Variants in RSPH4A observed in about 807,000 individuals in gnomAD.
RSPH4A encodes radial spoke head protein 4 homolog A.
In RSPH4A, 47 loss-of-function variants were observed where a neutral mutation model predicts 71.0. The observed-to-expected ratio is 0.66, with a 90% CI of 0.52 to 0.84. RSPH4A has a LOEUF of 0.84. RSPH4A is among the 40% of genes least tolerant of loss of function. The pLI is 0.00. For missense variants in RSPH4A, 793 were observed against 855.2 expected, an observed-to-expected ratio of 0.93 and a Z score of 0.91; for synonymous variants, 282 against 302.3, an observed-to-expected ratio of 0.93 and a Z score of 0.70.
In RSPH4A at chr6:116,617,309, T is replaced by G; in HGVS notation, c.686T>G (p.Leu229Arg). 1 of 1,608,734 alleles carries G rather than the reference T, an allele frequency of 6.2e-7. No individual in the cohort carries two copies. The highest frequency in any genetic ancestry group is 1.1e-5 in the South Asian group (1 of 90,588). Residue 229 changes from leucine (L) to arginine (R), a missense_variant and splice_region_variant, in exon 1 of 6, where the codon CTA becomes CGA. Coordinates refer to ENST00000229554, the MANE Select transcript of RSPH4A (RefSeq NM_001010892.3). ...LKTSSNSGFN[L>R]YDHLSNMLTK... ...ACTAGCAGCAATTCGGGCTTTAATC[T>G]GTAAGTCTCAGAGGGAAAAAAGATA...
At chr6:116,629,522 T>C (rs201457195) in intron 3 of RSPH4A, 45 bp from the exon 4 acceptor site, 1 of 1,600,548 alleles carries the variant, frequency 6.2e-7, no homozygotes, top group South Asian at 1.1e-5. Flanking sequence ...TCTGAAATTT[T>C]AAGGTCCCCA....
At chr6:116,627,395 C>T (rs1199295041) in intron 2 of RSPH4A, among the ~76,000 whole-genome samples, 1 of 152,084 alleles carries the variant, frequency 6.6e-6, no homozygotes, top group Non-Finnish European at 1.5e-5. Flanking sequence ...AGACGGGGGT[C>T]TCACCATGTT....
chr6:116,627,716 A>T lies in RSPH4A; in HGVS notation c.1009A>T (p.Ile337Leu). The change falls in exon 3 of 6, where the codon ATA becomes TTA. Residue 337 changes from isoleucine (I) to leucine (L), a missense_variant. Ile to Leu is a conservative substitution (Grantham distance 5). Coordinates refer to ENST00000229554, the MANE Select transcript of RSPH4A (RefSeq NM_001010892.3). ...TTTGGGCACAGATGAGACATACCGC[A>T]TATTTCTTGCCCTCAAGCAGCTTAC... The part of the protein sequence containing the change: ...VGLGTDETYR[I>L]FLALKQLTDT... The T allele has an allele frequency of 6.2e-7, 1 of 1,614,158 alleles. No individual in the cohort carries two copies. Among genetic ancestry groups the T allele is most frequent in the Non-Finnish European group, 8.5e-7 (1 of 1,180,002 alleles).
At chr6:116,622,481 C>A (rs978260551) in intron 1 of RSPH4A, among the ~76,000 whole-genome samples, 5 of 152,054 alleles carry the variant, frequency 3.3e-5, no homozygotes, top group African/African-American at 1.2e-4. Context: ...CTAAGGAAAA[C>A]TCTAGGATAA....
chr6:116,630,847 A>ATT lies in RSPH4A; in HGVS notation c.1916+317_1916+318dup, dbSNP rs10694358. ...ACCACTATGCCCAGCTAATTTTTGT[A>ATT]TTTTTTTTTTTTTTTTTTTTTTTAG... is the stretch of plus-strand genomic sequence containing the variant. On this transcript the variant is annotated intron_variant, in intron 5 of 5. Coordinates refer to ENST00000229554, the MANE Select transcript of RSPH4A (RefSeq NM_001010892.3). Among the ~76,000 whole-genome samples the ATT allele has an allele frequency of 7.6e-3, 669 of 87,578 alleles. 32 individuals carry two copies. The highest frequency in any genetic ancestry group is 0.023 in the African/African-American group (502 of 21,412). The allele number at this position is 87,578 out of a possible 152,430, so 57.5% of individuals were successfully genotyped here.
Position 116,619,524 on chromosome 6 carries a change from A to G in RSPH4A, c.686+2215A>G, listed in dbSNP as rs116392034. 4.8e-3 allele frequency among the ~76,000 whole-genome samples: 727 copies of G among 152,304 alleles called. 6 individuals carry two copies. The highest frequency in any genetic ancestry group is 0.015 in the African/African-American group (643 of 41,566). On this transcript the variant is annotated intron_variant, in intron 1 of 5. Coordinates refer to ENST00000229554, the MANE Select transcript of RSPH4A (RefSeq NM_001010892.3). ...AATTCCTAAGTTCTCACCATGATCT[A>G]TTGGGGTGCTTCCTGATTAATCAGT...
intron 1 of RSPH4A, 69 bp from the exon 2 acceptor site, chr6:116,622,699 G>A: frequency 3.9e-6 from 4 of 1,037,492 alleles, no homozygotes; most frequent in Non-Finnish European, 6.0e-6. Flanking sequence ...CCCCAGAAAT[G>A]TCAAAGAAAA....
chr6:116,623,115 G>GT (rs1370917022), intron 2 of RSPH4A, 113 bp downstream of exon 2: 6 of 765,616 alleles, frequency 7.8e-6, no homozygotes, highest in Non-Finnish European at 1.3e-5. Context: ...GTTTTGTTTT[G>GT]TTTTGTTTTG....
chr6:116,621,535 G>A (rs1583347818), intron 1 of RSPH4A, among the ~76,000 whole-genome samples: 1 of 152,230 alleles, frequency 6.6e-6, no homozygotes, highest in Non-Finnish European at 1.5e-5. Context: ...TTGCTGAATA[G>A]GAAATATATA....
chr6:116,629,449 G>T, intron 3 of RSPH4A, 118 bp from the exon 4 acceptor site: 1 of 1,051,202 alleles, frequency 9.5e-7, no homozygotes, highest in Non-Finnish European at 1.4e-6. Flanking sequence ...TAGAATGAAT[G>T]AATGAATAAT....
At position 116,616,518 on chromosome 6, in the gene RSPH4A, C is replaced by A; in HGVS notation, c.-106C>A. The A allele has an allele frequency of 2.0e-6, 2 of 989,626 alleles. No individual in the cohort carries two copies. Among genetic ancestry groups the A allele is most frequent in the South Asian group, 1.4e-5 (1 of 72,066 alleles). 61.3% of individuals were successfully genotyped at this position (989,626 alleles called of 1,614,324 possible). On this transcript the variant is annotated 5_prime_UTR_variant, in exon 1 of 6. Transcript: ENST00000229554. The stretch of plus-strand genomic sequence containing the variant: ...CAGCAACTCACAGAGCAACCAGGAC[C>A]CAGAAATCGCTTAAGAGACCGCGGC...
At chr6:116,623,241 A>G (rs1775642234) in intron 2 of RSPH4A, among the ~76,000 whole-genome samples, 1 of 152,050 alleles carries the variant, frequency 6.6e-6, no homozygotes, top group South Asian at 2.1e-4. Context: ...ACGTGCCACC[A>G]TGCCCAGCTA....
At chr6:116,617,381 T>C (rs960150511) in intron 1 of RSPH4A, 72 bp downstream of exon 1, 40 of 1,047,172 alleles carry the variant, frequency 3.8e-5, no homozygotes, top group Non-Finnish European at 5.7e-5. Context: ...TGTGTGAGAG[T>C]GTGTTTCTGT....
At position 116,617,118 on chromosome 6, in the gene RSPH4A, C is replaced by A. The variant is rs767593671; in HGVS notation, c.495C>A (p.Asp165Glu). The A allele has an allele frequency of 4.3e-6, 7 of 1,614,060 alleles. No individual in the cohort carries two copies. The highest frequency in any genetic ancestry group is 5.9e-6 in the Non-Finnish European group (7 of 1,180,040). The change falls in exon 1 of 6, where the codon GAC (aspartate) becomes GAA (glutamate). Residue 165 changes from aspartate (D) to glutamate (E), a missense_variant. Asp to Glu is a conservative substitution (Grantham distance 45). Transcript: ENST00000229554. ...AACCCCACCTGTGTGGACGAAGGGA[C>A]GTGAGCTATAACAACGCTAAACAGA... ...QPKPHLCGRR[D>E]VSYNNAKQKE...
intron 1 of RSPH4A, among the ~76,000 whole-genome samples, chr6:116,618,537 C>T (rs986623681): frequency 9.9e-5 from 15 of 152,176 alleles, no homozygotes; most frequent in Admixed American, 4.6e-4. Context: ...TGTTTTGAGA[C>T]GGAGCCAGCT....
At chr6:116,629,793 C>G in intron 4 of RSPH4A, 91 bp downstream of exon 4, 1 of 1,244,726 alleles carries the variant, frequency 8.0e-7, no homozygotes, top group Non-Finnish European at 1.2e-6. Flanking sequence ...TCGGAAAGCT[C>G]TAAAAACTGG....
intron 3 of RSPH4A, 92 bp downstream of exon 3, chr6:116,628,461 C>T (rs569810125): frequency 2.3e-5 from 23 of 1,003,212 alleles, no homozygotes; most frequent in Non-Finnish European, 3.4e-5. Flanking sequence ...AAAATAAAGG[C>T]CTTTGGACTC....
chr6:116,621,854 A>AT (rs941193418), intron 1 of RSPH4A, among the ~76,000 whole-genome samples: 63 of 152,218 alleles, frequency 4.1e-4, no homozygotes, highest in African/African-American at 1.4e-3. Flanking sequence ...TGAACAGAGG[A>AT]TTTTTTTCTC....
Position 116,627,911 on chromosome 6 carries a change from G to A in RSPH4A, c.1204G>A (p.Glu402Lys), listed in dbSNP as rs945197853. The A allele has an allele frequency of 3.1e-6, 5 of 1,613,898 alleles. No homozygotes were observed. Among genetic ancestry groups the A allele is most frequent in the Admixed American group, 1.7e-5 (1 of 59,996 alleles). Residue 402 changes from glutamate to lysine, a missense_variant, in exon 3 of 6, where the codon GAG (glutamate) becomes AAG (lysine). Glu to Lys is a moderately conservative substitution (Grantham distance 56). Coordinates refer to ENST00000229554, the MANE Select transcript of RSPH4A (RefSeq NM_001010892.3). Reference protein sequence around the residue: ...DNGESEAHEDEEDELPKSFYK... With the variant: ...DNGESEAHEDKEDELPKSFYK... ...TGGAGAAAGTGAAGCTCATGAAGATGAGGAAGATGAATTACCAAAGTCCTT... is the reference window on the plus strand; with the variant it reads ...TGGAGAAAGTGAAGCTCATGAAGATAAGGAAGATGAATTACCAAAGTCCTT...
Sources: allele counts gnomAD v4.1 joint callset (sites outside exome capture counted in the v4.1 genomes callset), GRCh38; gene constraint gnomAD v4.1.1; transcripts MANE v1.5; gene names NCBI Gene and HGNC (gene_info 2026-07-23, HGNC 2026-07-21).